The following FBXO34 variants were observed in gnomAD, a reference collection of about 807,000 sequenced individuals.
FBXO34 encodes the protein F-box only protein 34.
FBXO34 carries 12 observed loss-of-function variants against 24.5 expected under a neutral mutation model. The observed-to-expected ratio is 0.49, with a 90% CI of 0.31 to 0.79. The LOEUF (loss-of-function observed/expected upper bound fraction) is 0.79. Among genes scored for constraint, FBXO34 ranks in the 30% least tolerant of loss-of-function variants. The pLI is 0.04. For synonymous variants in FBXO34, 320 were observed against 311.9 expected (o/e 1.03, Z -0.27); for missense variants, 823 against 857.7 (o/e 0.96, Z 0.51).
downstream of FBXO34, among the ~76,000 whole-genome samples, chr14:55,355,578 A>T (rs1390846199): frequency 6.6e-6 from 1 of 152,250 alleles, no homozygotes; most frequent in African/African-American, 2.4e-5. Flanking sequence ...TACAAGCATA[A>T]CAACTGTTTA....
intron 1 of FBXO34, among the ~76,000 whole-genome samples, chr14:55,291,601 A>AGTG (rs1287778233): frequency 6.6e-6 from 1 of 151,574 alleles, no homozygotes; most frequent in African/African-American, 2.4e-5. Context: ...CAGGAGGTGA[A>AGTG]GTGGGGAGGA....
downstream of FBXO34, among the ~76,000 whole-genome samples, chr14:55,366,077 C>G (rs1011329741): frequency 3.9e-5 from 6 of 152,162 alleles, no homozygotes; most frequent in African/African-American, 1.4e-4. Flanking sequence ...ATCCTAGAGG[C>G]CTTCTGCCCC....
At chr14:55,384,803 C>T in the FBXO34 span, among the ~76,000 whole-genome samples, 1 of 152,226 alleles carries the variant, frequency 6.6e-6, no homozygotes. Flanking sequence ...TTAGAGCAGC[C>T]TGGTGGCTTG....
chr14:55,303,142 G>A (rs2081204932), intron 1 of FBXO34, among the ~76,000 whole-genome samples: 1 of 145,898 alleles, frequency 6.9e-6, no homozygotes, highest in South Asian at 2.2e-4. Context: ...TTTTTTTTTA[G>A]CATTGGCTAT....
At chr14:55,381,632 G>T in the FBXO34 span, among the ~76,000 whole-genome samples, 1 of 152,198 alleles carries the variant, frequency 6.6e-6, no homozygotes, top group Non-Finnish European at 1.5e-5. Flanking sequence ...TACGCTAAGT[G>T]AAAGAAGTCT....
intron 1 of FBXO34, among the ~76,000 whole-genome samples, chr14:55,341,162 C>G (rs951068753): frequency 2.0e-5 from 3 of 152,060 alleles, no homozygotes; most frequent in Admixed American, 6.6e-5. Context: ...GGATAGGGGT[C>G]AGTTGAAGGT....
the FBXO34 span, among the ~76,000 whole-genome samples, chr14:55,419,989 G>A: frequency 3.3e-4 from 50 of 152,212 alleles, no homozygotes; most frequent in Non-Finnish European, 5.1e-4. Context: ...CCAAGCTTCA[G>A]TTTAGGGAGG....
At chr14:55,432,798 CA>C in the FBXO34 span, among the ~76,000 whole-genome samples, 2 of 152,188 alleles carry the variant, frequency 1.3e-5, no homozygotes, top group South Asian at 4.1e-4. Flanking sequence ...CAGGAGAAAA[CA>C]GGCTCTGCCA....
intron 1 of FBXO34, among the ~76,000 whole-genome samples, chr14:55,323,276 A>G (rs1204126106): frequency 3.1e-5 from 4 of 129,724 alleles, no homozygotes; most frequent in Non-Finnish European, 4.7e-5. Context: ...TATGTTGCCC[A>G]AGCTAGTCTC....
intron 1 of FBXO34, among the ~76,000 whole-genome samples, chr14:55,308,401 A>G (rs1444910969): frequency 6.6e-6 from 1 of 152,204 alleles, no homozygotes; most frequent in East Asian, 1.9e-4. Flanking sequence ...AACTTGTCCA[A>G]TTTCTCATGT....
At chr14:55,355,485 C>T (rs1289070519), downstream of FBXO34, among the ~76,000 whole-genome samples, 3 of 152,198 alleles carry the variant, frequency 2.0e-5, no homozygotes, top group East Asian at 1.9e-4. Flanking sequence ...TTCAACCAGC[C>T]TCAGATTTAA....
At chr14:55,413,812 T>C in the FBXO34 span, 1 of 376,042 alleles carries the variant, frequency 2.7e-6, no homozygotes, top group Non-Finnish European at 5.1e-6. Flanking sequence ...ATTCATTCTC[T>C]TGGCAAAAAT....
At chr14:55,364,331 TA>T (rs1437472327), downstream of FBXO34, among the ~76,000 whole-genome samples, 1 of 152,174 alleles carries the variant, frequency 6.6e-6, no homozygotes, top group Non-Finnish European at 1.5e-5. Context: ...GGCTCCTCCC[TA>T]CAAAAGGCAC....
the FBXO34 span, among the ~76,000 whole-genome samples, chr14:55,405,199 C>T: frequency 6.6e-6 from 1 of 152,060 alleles, no homozygotes; most frequent in East Asian, 1.9e-4. Flanking sequence ...ATTCTCAAGA[C>T]AATAGATTTT....
chr14:55,354,125 G>T (rs1483420207), downstream of FBXO34, among the ~76,000 whole-genome samples: 1 of 152,224 alleles, frequency 6.6e-6, no homozygotes, highest in African/African-American at 2.4e-5. Flanking sequence ...GTAGGCTGCA[G>T]CCTCCAGGCT....
the FBXO34 span, among the ~76,000 whole-genome samples, chr14:55,395,766 G>A: frequency 1.3e-5 from 2 of 152,104 alleles, no homozygotes; most frequent in South Asian, 2.1e-4. Flanking sequence ...ATTAATTGCC[G>A]ATACCCCATT....
chr14:55,401,420 G>A, the FBXO34 span, among the ~76,000 whole-genome samples: 1 of 152,000 alleles, frequency 6.6e-6, no homozygotes, highest in Non-Finnish European at 1.5e-5. Context: ...GTTGTTTAAT[G>A]ACACTAGTTT....
chr14:55,440,842 A>G, the FBXO34 span, among the ~76,000 whole-genome samples: 1 of 151,522 alleles, frequency 6.6e-6, no homozygotes, highest in Non-Finnish European at 1.5e-5. Context: ...AGTGCATGGA[A>G]AGTGAGAAAA....
In FBXO34 at chr14:55,352,138, T is replaced by C. The variant is rs764859601; in HGVS notation, c.1748T>C (p.Met583Thr). 1 of 1,614,182 alleles carries C rather than the reference T, an allele frequency of 6.2e-7. No individual in the cohort carries two copies. ...QYMAFLPHHIMVKIFRLLPTK... is the reference protein window; with the variant it reads ...QYMAFLPHHITVKIFRLLPTK... ...ATGGCTTTTCTGCCCCACCACATTA[T>C]GGTAAAAATCTTCAGGTTACTTCCC... Residue 583 changes from methionine to threonine, a missense_variant, in exon 2 of 2, where the codon ATG becomes ACG. Physicochemically the swap from Met to Thr is moderately conservative, Grantham distance 81. Coordinates refer to ENST00000313833, the MANE Select transcript of FBXO34 (RefSeq NM_017943.4).
Sources: gnomAD v4.1 joint callset for allele counts (sites outside exome capture counted in the v4.1 genomes callset) on GRCh38, gnomAD v4.1.1 for gene constraint, MANE v1.5 for transcripts, NCBI Gene and HGNC (gene_info 2026-07-23, HGNC 2026-07-21) for gene names.